CHRM5: variants seen among roughly 807,000 people sequenced by gnomAD.
CHRM5 encodes the protein muscarinic acetylcholine receptor M5.
CHRM5 carries 18 observed loss-of-function variants against 39.0 expected under a neutral mutation model. The observed-to-expected ratio is 0.46, with a 90% CI of 0.32 to 0.68. CHRM5 has a LOEUF of 0.68. Among genes scored for constraint, CHRM5 ranks in the 30% least tolerant of loss-of-function variants. CHRM5 has a pLI of 0.04. For missense variants in CHRM5, 515 were observed against 651.1 expected (o/e 0.79, Z 2.28); for synonymous variants, 241 against 246.3 (o/e 0.98, Z 0.20).
At chr15:34,025,772 T>TG (rs1898437372) in intron 1 of CHRM5, among the ~76,000 whole-genome samples, 1 of 151,732 alleles carries the variant, frequency 6.6e-6, no homozygotes, top group African/African-American at 2.4e-5. Flanking sequence ...GTGTGTGTGT[T>TG]TGTGTGTGTG....
intron 1 of CHRM5, among the ~76,000 whole-genome samples, chr15:34,004,035 C>G (rs1379951877): frequency 6.6e-6 from 1 of 152,222 alleles, no homozygotes; most frequent in Non-Finnish European, 1.5e-5. Flanking sequence ...TCTTAGCACT[C>G]TCCAGGCTCA....
rs1165832760 is a variant in CHRM5, at chr15:34,033,123, G to A, written c.-407-13417G>A. Among the ~76,000 whole-genome samples the A allele has an allele frequency of 1.3e-5, 2 of 152,040 alleles. 1 individual carries two copies. Among genetic ancestry groups the A allele is most frequent in the South Asian group, 4.1e-4 (2 of 4,832 alleles). ...AAGAATTGACACTGAATCCTATCTC[G>A]TGCAGGCAATAAGTAATGTTCATCC... On this transcript the variant is annotated intron_variant, in intron 1 of 2. Coordinates refer to ENST00000383263, the MANE Select transcript of CHRM5 (RefSeq NM_012125.4).
In CHRM5 at chr15:34,038,028, A is replaced by T. The variant is rs145163520; in HGVS notation, c.-407-8512A>T. On this transcript the variant is annotated intron_variant, in intron 1 of 2. Coordinates refer to ENST00000383263, the MANE Select transcript of CHRM5 (RefSeq NM_012125.4). ...GGTTAGCTTTGCCCCCATATATATCATCCCCTGCTCCAATCTCCAAAAACT... is the reference window on the plus strand; with the variant it reads ...GGTTAGCTTTGCCCCCATATATATCTTCCCCTGCTCCAATCTCCAAAAACT... Among the ~76,000 whole-genome samples the T allele has an allele frequency of 2.6e-5, 4 of 152,330 alleles. No individual in the cohort carries two copies. The East Asian group carries it at 7.7e-4, about 29-fold the overall frequency.
At chr15:33,992,899 A>G (rs750382067) in intron 1 of CHRM5, among the ~76,000 whole-genome samples, 2 of 152,270 alleles carry the variant, frequency 1.3e-5, no homozygotes, top group Non-Finnish European at 2.9e-5. Flanking sequence ...AAGAAAATAT[A>G]TAATAGTTTT....
intron 1 of CHRM5, among the ~76,000 whole-genome samples, chr15:34,022,186 T>C (rs1898231615): frequency 6.6e-6 from 1 of 152,218 alleles, no homozygotes; most frequent in Admixed American, 6.5e-5. Context: ...AGACATCAAA[T>C]GAATGGCATC....
chr15:34,018,497 C>G (rs1898053687), intron 1 of CHRM5: 1 of 151,916 alleles, frequency 6.6e-6, no homozygotes. Context: ...GGTAGTGCGT[C>G]CAGAGTTGTT....
chr15:34,045,170 T>A (rs1365321517), intron 1 of CHRM5, among the ~76,000 whole-genome samples: 2 of 152,250 alleles, frequency 1.3e-5, no homozygotes, highest in Non-Finnish European at 2.9e-5. Context: ...CTTAGAGCTA[T>A]AAAGATGAAC....
Position 34,062,756 on chromosome 15 carries a change from T to C in CHRM5, c.39T>C (p.Asn13=). 6.2e-7 allele frequency: 1 copy of C among 1,613,782 alleles called. No individual in the cohort carries two copies. The highest frequency in any genetic ancestry group is 1.3e-5 in the African/African-American group (1 of 75,050). Residue 13 remains asparagine (N), a synonymous_variant, in exon 3 of 3, where the codon AAT becomes AAC. Coordinates refer to ENST00000383263, the MANE Select transcript of CHRM5 (RefSeq NM_012125.4). ...GDSYHNATTV[N]GTPVNHQPLE... is the part of the protein sequence containing the mutation. ...CTTACCACAATGCAACCACCGTCAA[T>C]GGCACCCCAGTAAATCACCAGCCTT... is the stretch of plus-strand genomic sequence containing the variant.
At chr15:33,992,509 T>A (rs1030799780) in intron 1 of CHRM5, among the ~76,000 whole-genome samples, 1 of 152,210 alleles carries the variant, frequency 6.6e-6, no homozygotes, top group Non-Finnish European at 1.5e-5. Flanking sequence ...CAATTGAAAA[T>A]TTTTTTAGCC....
chr15:34,054,758 A>T (rs1297674788), intron 2 of CHRM5, among the ~76,000 whole-genome samples: 3 of 152,154 alleles, frequency 2.0e-5, no homozygotes, highest in Non-Finnish European at 4.4e-5. Flanking sequence ...AGGTAATGGG[A>T]TGATGTGTGC....
intron 1 of CHRM5, among the ~76,000 whole-genome samples, chr15:34,013,223 A>C (rs550338359): frequency 1.3e-5 from 2 of 152,056 alleles, no homozygotes; most frequent in Non-Finnish European, 2.9e-5. Flanking sequence ...CACCACGCCC[A>C]GCTAATATTT....
At chr15:33,992,542 T>A (rs540422667) in intron 1 of CHRM5, among the ~76,000 whole-genome samples, 2 of 152,362 alleles carry the variant, frequency 1.3e-5, no homozygotes, top group African/African-American at 4.8e-5. Context: ...ACAAATTTTT[T>A]AATTTATAGT....
chr15:33,981,672 A>T (rs999002530), intron 1 of CHRM5, among the ~76,000 whole-genome samples: 12 of 152,206 alleles, frequency 7.9e-5, no homozygotes, highest in African/African-American at 2.9e-4. Context: ...TTCACACTGC[A>T]GTTCCATTAC....
intron 1 of CHRM5, among the ~76,000 whole-genome samples, chr15:33,984,188 T>C (rs994026835): frequency 2.5e-4 from 38 of 152,136 alleles, no homozygotes; most frequent in African/African-American, 9.2e-4. Context: ...ACCATGGTTA[T>C]ATAAAATAAT....
intron 1 of CHRM5, among the ~76,000 whole-genome samples, chr15:34,017,543 T>A (rs571962203): frequency 6.8e-6 from 1 of 146,860 alleles, no homozygotes; most frequent in African/African-American, 2.5e-5. Flanking sequence ...AGTGCAGTAC[T>A]GCGATCAGCT....
chr15:34,035,720 C>A (rs1024717063), intron 1 of CHRM5, among the ~76,000 whole-genome samples: 1 of 152,176 alleles, frequency 6.6e-6, no homozygotes, highest in African/African-American at 2.4e-5. Flanking sequence ...TCTCTGCTAA[C>A]AGCCCATCAC....
At chr15:34,020,625 C>T (rs991135526) in intron 1 of CHRM5, among the ~76,000 whole-genome samples, 1 of 152,204 alleles carries the variant, frequency 6.6e-6, no homozygotes, top group African/African-American at 2.4e-5. Context: ...CTCTGACTTA[C>T]AGATGGGCAG....
At chr15:33,979,210 TC>T (rs1896026864) in intron 1 of CHRM5, among the ~76,000 whole-genome samples, 1 of 152,188 alleles carries the variant, frequency 6.6e-6, no homozygotes, top group African/African-American at 2.4e-5. Flanking sequence ...TAAATGGGTA[TC>T]TAGGCTATTA....
At chr15:33,993,121 C>T (rs779171412) in intron 1 of CHRM5, among the ~76,000 whole-genome samples, 4 of 152,240 alleles carry the variant, frequency 2.6e-5, no homozygotes, top group Middle Eastern at 3.4e-3. Flanking sequence ...ACAGACAATG[C>T]ATATTGCATG....
Sources: gnomAD v4.1 joint callset for allele counts (sites outside exome capture counted in the v4.1 genomes callset) on GRCh38, gnomAD v4.1.1 for gene constraint, MANE v1.5 for transcripts, NCBI Gene and HGNC (gene_info 2026-07-23, HGNC 2026-07-21) for gene names.